The following UBE3D variants were observed in gnomAD, a reference collection of about 807,000 sequenced individuals.
UBE3D encodes the protein ubiquitin protein ligase E3D, also known as E3 ubiquitin-protein ligase E3D.
UBE3D carries 48 observed loss-of-function variants against 49.6 expected under a neutral mutation model. The observed-to-expected ratio is 0.97, with a 90% CI of 0.77 to 1.23. The LOEUF (loss-of-function observed/expected upper bound fraction) is 1.23, where lower values mean the gene tolerates loss of function less well. UBE3D is among the 50% of genes most tolerant of loss of function. UBE3D has a pLI of 0.00. For missense variants in UBE3D, 452 were observed against 468.4 expected, an observed-to-expected ratio of 0.96 and a Z score of 0.32; for synonymous variants, 189 against 174.2, an observed-to-expected ratio of 1.08 and a Z score of -0.67.
At chr6:82,979,011 T>A (rs1777925103) in intron 8 of UBE3D, among the ~76,000 whole-genome samples, 1 of 152,150 alleles carries the variant, frequency 6.6e-6, no homozygotes, top group South Asian at 2.1e-4. Context: ...GTGGGTAATG[T>A]TAACATTTTA....
chr6:82,909,266 T>C (rs568648352), intron 9 of UBE3D, among the ~76,000 whole-genome samples: 5 of 152,318 alleles, frequency 3.3e-5, no homozygotes, highest in African/African-American at 1.2e-4. Flanking sequence ...AACTCTGATG[T>C]TTGCAGAAAA....
At chr6:82,932,862 C>A (rs1774269659) in intron 9 of UBE3D, among the ~76,000 whole-genome samples, 1 of 151,992 alleles carries the variant, frequency 6.6e-6, no homozygotes, top group African/African-American at 2.4e-5. Flanking sequence ...TTTTTAGACA[C>A]CAGGGGACAT....
intron 9 of UBE3D, among the ~76,000 whole-genome samples, chr6:82,948,750 T>A (rs1047628235): frequency 6.6e-6 from 1 of 152,014 alleles, no homozygotes. Flanking sequence ...ATCAACAGAA[T>A]GAAGGCCAAA....
chr6:83,001,985 A>G (rs1236836146), intron 8 of UBE3D, among the ~76,000 whole-genome samples: 1 of 151,886 alleles, frequency 6.6e-6, no homozygotes, highest in African/African-American at 2.4e-5. Flanking sequence ...TCTTGAGTAG[A>G]GACTAATATT....
At chr6:82,953,108 C>A (rs1195250972) in intron 9 of UBE3D, among the ~76,000 whole-genome samples, 3 of 152,170 alleles carry the variant, frequency 2.0e-5, no homozygotes, top group Admixed American at 2.0e-4. Context: ...GCCACCTAAC[C>A]CCAGAGTTCT....
intron 7 of UBE3D, among the ~76,000 whole-genome samples, chr6:83,021,847 C>T (rs562387665): frequency 2.0e-4 from 30 of 151,040 alleles, no homozygotes; most frequent in Non-Finnish European, 3.1e-4. Flanking sequence ...CCAGTCTGAG[C>T]GACAGAGTGA....
chr6:82,969,216 A>AGGGCAG (rs966365550), intron 8 of UBE3D, among the ~76,000 whole-genome samples: 4 of 14,104 alleles, frequency 2.8e-4, no homozygotes, highest in Admixed American at 2.8e-3. Flanking sequence ...TCTATTACAC[A>AGGGCAG]GGGCAGGGGT....
chr6:82,918,275 C>A (rs1251616036), intron 9 of UBE3D, among the ~76,000 whole-genome samples: 2 of 150,040 alleles, frequency 1.3e-5, no homozygotes, highest in Admixed American at 6.6e-5. Context: ...GGGTAAAAAA[C>A]AACAACAACA....
At chr6:82,924,016 CA>C (rs1420411880) in intron 9 of UBE3D, among the ~76,000 whole-genome samples, 3 of 149,034 alleles carry the variant, frequency 2.0e-5, no homozygotes, top group Non-Finnish European at 4.4e-5. Flanking sequence ...CCTGGTCCTT[CA>C]AAATGGTGAA....
chr6:83,008,498 A>G lies in UBE3D; in HGVS notation c.1010+10475T>C, dbSNP rs1037195159. On this transcript the variant is annotated intron_variant, in intron 8 of 9. Transcript: ENST00000369747. The stretch of plus-strand genomic sequence containing the variant: ...ATGTGAAACGCTGGCTGAAGTGGGC[A>G]GGAGGGGAGGATGAAAAACAATACA... Among the ~76,000 whole-genome samples, 5 of 152,214 alleles carry G rather than the reference A, an allele frequency of 3.3e-5. No homozygotes were observed. The East Asian group carries it at 9.6e-4, about 29-fold the overall frequency.
intron 4 of UBE3D, 130 bp downstream of exon 4, chr6:83,044,298 G>A: frequency 1.2e-6 from 1 of 819,186 alleles, no homozygotes; most frequent in Non-Finnish European, 1.9e-6. Flanking sequence ...CGATAGCGAT[G>A]ACAGTTGAAA....
chr6:83,020,116 G>A (rs1780981237), intron 7 of UBE3D, among the ~76,000 whole-genome samples: 1 of 152,082 alleles, frequency 6.6e-6, no homozygotes, highest in Admixed American at 6.5e-5. Flanking sequence ...AATTATCTGA[G>A]TTTCAAATAT....
chr6:83,036,561 C>A (rs1054008204), intron 5 of UBE3D: 1 of 151,916 alleles, frequency 6.6e-6, no homozygotes, highest in Non-Finnish European at 1.5e-5. Flanking sequence ...CTTGCTTAAT[C>A]ATTTATTTGC....
intron 8 of UBE3D, among the ~76,000 whole-genome samples, chr6:83,003,282 T>C (rs1383977617): frequency 6.6e-6 from 1 of 152,140 alleles, no homozygotes; most frequent in African/African-American, 2.4e-5. Context: ...TCACAGATCA[T>C]GATTATACTT....
chr6:82,900,024 A>C (rs1771613626), intron 9 of UBE3D, among the ~76,000 whole-genome samples: 1 of 152,220 alleles, frequency 6.6e-6, no homozygotes, highest in Admixed American at 6.5e-5. Flanking sequence ...CAATACATGC[A>C]CACACACTCA....
Position 82,907,542 on chromosome 6 carries a change from A to G in UBE3D, c.1150-14500T>C, listed in dbSNP as rs368354466. Among the ~76,000 whole-genome samples the G allele has an allele frequency of 2.0e-4, 31 of 152,314 alleles. No homozygotes were observed. The East Asian group carries it at 5.6e-3, about 28-fold the overall frequency. The stretch of plus-strand genomic sequence containing the variant: ...GAGGGGAACAGGACTCCTACAATCA[A>G]TGATAAAAAGCCTTAAAACAGATCC... On this transcript the variant is annotated intron_variant, in intron 9 of 9. Transcript: ENST00000369747.
intron 9 of UBE3D, among the ~76,000 whole-genome samples, chr6:82,940,596 G>A (rs993659960): frequency 6.6e-6 from 1 of 152,172 alleles, no homozygotes; most frequent in African/African-American, 2.4e-5. Context: ...TCTAGGGAGT[G>A]CCTGCCCATC....
intron 8 of UBE3D, among the ~76,000 whole-genome samples, chr6:82,986,496 A>C (rs1394126447): frequency 1.4e-5 from 2 of 143,980 alleles, no homozygotes; most frequent in African/African-American, 2.5e-5. Flanking sequence ...AAAAAAAAAA[A>C]AACTTTTGTA....
chr6:82,914,760 T>C (rs747048304), intron 9 of UBE3D, among the ~76,000 whole-genome samples: 12 of 152,212 alleles, frequency 7.9e-5, no homozygotes, highest in South Asian at 4.1e-4. Flanking sequence ...GCTGTTCTAT[T>C]ACTTCCCCAT....
Sources: allele counts gnomAD v4.1 joint callset (sites outside exome capture counted in the v4.1 genomes callset), GRCh38; gene constraint gnomAD v4.1.1; transcripts MANE v1.5; gene names NCBI Gene and HGNC (gene_info 2026-07-23, HGNC 2026-07-21).